Variants in YTHDF3 observed in about 807,000 individuals in gnomAD.
The protein encoded by YTHDF3 is YTH N6-methyladenosine RNA binding protein F3, also known as YTH domain-containing family protein 3.
Under a neutral mutation model 52.5 loss-of-function variants are expected in YTHDF3, and 9 were observed. The ratio of observed to expected loss-of-function variants is 0.17; its 90% CI spans 0.10 to 0.30. The LOEUF is 0.30. Ranked by LOEUF, YTHDF3 falls within the 10% of genes least tolerant of loss-of-function variation. YTHDF3 has a pLI of 1.00. For synonymous variants in YTHDF3, 274 were observed against 243.3 expected, an observed-to-expected ratio of 1.13 and a Z score of -1.18; for missense variants, 534 against 715.0, an observed-to-expected ratio of 0.75 and a Z score of 2.89.
At position 63,187,523 on chromosome 8, in the gene YTHDF3, A is replaced by G; in HGVS notation, c.1512A>G (p.Lys504=). The G allele has an allele frequency of 6.2e-7, 1 of 1,614,012 alleles. No homozygotes were observed. The change falls in exon 4 of 5, where the codon AAA becomes AAG. Residue 504 remains lysine (K), a synonymous_variant. Coordinates refer to ENST00000539294, the MANE Select transcript of YTHDF3 (RefSeq NM_152758.6). ...QDKWKGKFEV[K]WIFVKDVPNN... is the part of the protein sequence containing the mutation. Reference sequence around the variant, plus strand: ...AGTGGAAGGGCAAATTTGAAGTTAAATGGATCTTTGTCAAAGATGTTCCCA... The same window carrying G: ...AGTGGAAGGGCAAATTTGAAGTTAAGTGGATCTTTGTCAAAGATGTTCCCA...
chr8:63,187,369 G>T lies in YTHDF3; in HGVS notation c.1358G>T (p.Arg453Leu). The change falls in exon 4 of 5, where the codon CGT (arginine) becomes CTT (leucine). Residue 453 changes from arginine (R) to leucine (L), a missense_variant. Physicochemically the swap from Arg to Leu is moderately radical, Grantham distance 102 (BLOSUM62 -2). Around this residue, in one of 3 missense-constraint regions of YTHDF3, gnomAD observed 135 missense variants for 214.2 expected, o/e 0.63. Transcript: ENST00000539294. ...AATAAGCGTTTGGATGCAGCTTACC[G>T]TTCCCTGAATGGGAAAGGCCCACTC... ...HGNKRLDAAY[R>L]SLNGKGPLYL... 1 of 1,613,992 alleles carries T rather than the reference G, an allele frequency of 6.2e-7. No individual in the cohort carries two copies. The highest frequency in any genetic ancestry group is 8.5e-7 in the Non-Finnish European group (1 of 1,179,896).
At position 63,175,393 on chromosome 8, in the gene YTHDF3, T is replaced by A. The variant is rs1342360731; in HGVS notation, c.112T>A (p.Tyr38Asn). 6.2e-7 allele frequency: 1 copy of A among 1,612,124 alleles called. No individual in the cohort carries two copies. The highest frequency in any genetic ancestry group is 1.7e-5 in the Admixed American group (1 of 59,866). The change falls in exon 3 of 5, where the codon TAC becomes AAC. Residue 38 changes from tyrosine (Y) to asparagine (N), a missense_variant. Around this residue, in one of 3 missense-constraint regions of YTHDF3, gnomAD observed 196 missense variants for 299.5 expected, o/e 0.65. Coordinates refer to ENST00000539294, the MANE Select transcript of YTHDF3 (RefSeq NM_152758.6). ...DAVNDDDFEP[Y>N]LSSQTNQSNS... ...TGTAAATGATGATGATTTTGAGCCA[T>A]ACTTAAGTAGCCAGACAAATCAGGT...
intron 3 of YTHDF3, among the ~76,000 whole-genome samples, chr8:63,178,472 C>T (rs1281332770): frequency 6.6e-6 from 1 of 152,156 alleles, no homozygotes; most frequent in African/African-American, 2.4e-5. Context: ...ATTTTTTCAG[C>T]TGCATCATTG....
intron 2 of YTHDF3, among the ~76,000 whole-genome samples, chr8:63,171,089 A>G (rs1807293938): frequency 6.6e-6 from 1 of 152,126 alleles, no homozygotes; most frequent in South Asian, 2.1e-4. Context: ...GTTTATTTTG[A>G]TAGTTCTTTA....
intron 4 of YTHDF3, among the ~76,000 whole-genome samples, chr8:63,200,385 A>AT (rs574514761): frequency 5.3e-5 from 8 of 150,904 alleles, no homozygotes; most frequent in South Asian, 2.1e-4. Flanking sequence ...CCTCGGCTGA[A>AT]TTTTTTTTTA....
chr8:63,190,302 C>CTT (rs61626712), intron 4 of YTHDF3, among the ~76,000 whole-genome samples: 18 of 144,598 alleles, frequency 1.2e-4, no homozygotes, highest in African/African-American at 4.5e-4. Flanking sequence ...CCTTCTGTGT[C>CTT]TTTTTTTTTT....
chr8:63,200,323 G>A (rs1475189491), intron 4 of YTHDF3, among the ~76,000 whole-genome samples: 1 of 152,050 alleles, frequency 6.6e-6, no homozygotes, highest in Non-Finnish European at 1.5e-5. Context: ...GTAGCTACCA[G>A]GACAGAAGTC....
intron 4 of YTHDF3, 51 bp downstream of exon 4, chr8:63,187,796 G>A: frequency 6.6e-7 from 1 of 1,504,012 alleles, no homozygotes; most frequent in South Asian, 1.4e-5. Flanking sequence ...CTGGTGGGGT[G>A]CATGGATGGG....
chr8:63,175,132 G>T (rs1585740276), intron 2 of YTHDF3, among the ~76,000 whole-genome samples, 199 bp from the exon 3 acceptor site: 1 of 152,226 alleles, frequency 6.6e-6, no homozygotes, highest in East Asian at 1.9e-4. Flanking sequence ...TTGGGCTTAT[G>T]TATCAAAAGA....
intron 4 of YTHDF3, among the ~76,000 whole-genome samples, chr8:63,193,788 C>T (rs1809066831): frequency 6.6e-6 from 1 of 152,028 alleles, no homozygotes; most frequent in African/African-American, 2.4e-5. Context: ...TATTTTATAT[C>T]CATTCATTTG....
chr8:63,187,687 T>C lies in YTHDF3; in HGVS notation c.1676T>C (p.Ile559Thr). ...GCTACTTTCAAGCATACCACCTCAA[T>C]CTTTGATGACTTTGCACATTATGAA... Reference protein sequence around the residue: ...IIATFKHTTSIFDDFAHYEKR... With the variant: ...IIATFKHTTSTFDDFAHYEKR... The change falls in exon 4 of 5, where the codon ATC (isoleucine) becomes ACC (threonine). Residue 559 changes from isoleucine (I) to threonine (T), a missense_variant. Physicochemically the swap from Ile to Thr is moderately conservative, Grantham distance 89 (BLOSUM62 -1). Coordinates refer to ENST00000539294, the MANE Select transcript of YTHDF3 (RefSeq NM_152758.6). The C allele has an allele frequency of 6.2e-7, 1 of 1,611,974 alleles. No individual in the cohort carries two copies. The highest frequency in any genetic ancestry group is 8.5e-7 in the Non-Finnish European group (1 of 1,178,852).
At chr8:63,201,404 T>G (rs1440615422) in intron 4 of YTHDF3, among the ~76,000 whole-genome samples, 4 of 152,228 alleles carry the variant, frequency 2.6e-5, no homozygotes, top group South Asian at 2.1e-4. Context: ...GTGTTTTCAA[T>G]TACATAGGAA....
intron 3 of YTHDF3, among the ~76,000 whole-genome samples, chr8:63,181,490 A>G (rs1808134194): frequency 6.6e-6 from 1 of 152,232 alleles, no homozygotes; most frequent in African/African-American, 2.4e-5. Context: ...CCATTATTTT[A>G]TGAAAGTATA....
At chr8:63,209,489 A>C (rs76243825) in intron 4 of YTHDF3, among the ~76,000 whole-genome samples, 194 bp from the exon 5 acceptor site, 3,554 of 152,262 alleles carry the variant, frequency 0.023, 133 homozygotes, top group African/African-American at 0.081. Context: ...AGAGTTCTTT[A>C]TGTAAAATGT....
intron 3 of YTHDF3, among the ~76,000 whole-genome samples, chr8:63,182,851 T>G (rs1808236512): frequency 6.6e-6 from 1 of 152,226 alleles, no homozygotes; most frequent in South Asian, 2.1e-4. Context: ...ATCAATGTTT[T>G]TTTACAATGT....
rs1168074828 is a variant in YTHDF3, at chr8:63,211,405, A to G, written c.*1699A>G. The G allele has an allele frequency of 6.6e-6, 1 of 152,566 alleles. No individual in the cohort carries two copies. The highest frequency in any genetic ancestry group is 1.5e-5 in the Non-Finnish European group (1 of 67,986). 9.5% of individuals were successfully genotyped at this position (152,566 alleles called of 1,614,324 possible). On this transcript the variant is annotated 3_prime_UTR_variant, in exon 5 of 5. Coordinates refer to ENST00000539294, the MANE Select transcript of YTHDF3 (RefSeq NM_152758.6). ...TACCTTTTTAAGAGTAAGCCATGAA[A>G]TCTTGTAACATGTCTCTTAACTATT...
chr8:63,172,038 T>C (rs1006532622), intron 2 of YTHDF3, among the ~76,000 whole-genome samples: 1 of 152,210 alleles, frequency 6.6e-6, no homozygotes, highest in East Asian at 1.9e-4. Context: ...TAAGTAATAA[T>C]TCAAGGTTTA....
rs1477325383 is a variant in YTHDF3 at position 63,212,488 on chromosome 8, ATC to A, written c.*2783_*2784del. 2 of 152,658 alleles carry A rather than the reference ATC, an allele frequency of 1.3e-5. No homozygotes were observed. The highest frequency in any genetic ancestry group is 4.8e-5 in the African/African-American group (2 of 41,468). 9.5% of individuals were successfully genotyped at this position (152,658 alleles called of 1,614,324 possible). A position where few individuals can be genotyped will look rare whatever the true frequency, so the allele number is the denominator to read the frequency against. ...TTTAATCATTTCAAGTGCATTCTGC[ATC>A]CTTTAAAAATAAGTTTAAGAAATTT... On this transcript the variant is annotated 3_prime_UTR_variant, in exon 5 of 5. Coordinates refer to ENST00000539294, the MANE Select transcript of YTHDF3 (RefSeq NM_152758.6).
chr8:63,199,878 G>A (rs1487969071), intron 4 of YTHDF3, among the ~76,000 whole-genome samples: 1 of 152,008 alleles, frequency 6.6e-6, no homozygotes, highest in African/African-American at 2.4e-5. Context: ...TCTGTACTTT[G>A]GCCTTTGTTG....
Sources: allele counts gnomAD v4.1 joint callset (sites outside exome capture counted in the v4.1 genomes callset), GRCh38; gene constraint gnomAD v4.1.1; regional missense constraint gnomAD v4.1.1; transcripts MANE v1.5; gene names NCBI Gene and HGNC (gene_info 2026-07-23, HGNC 2026-07-21).